Variants in PCDHA1 observed in about 807,000 individuals in gnomAD.
PCDHA1 encodes the protein protocadherin alpha-1.
PCDHA1 carries 42 observed loss-of-function variants against 61.3 expected under a neutral mutation model. That is an observed-to-expected ratio of 0.69 (90% CI 0.54 to 0.89). The LOEUF (loss-of-function observed/expected upper bound fraction) is 0.89, where lower values mean the gene tolerates loss of function less well. Ranked by LOEUF, PCDHA1 falls within the 40% of genes least tolerant of loss-of-function variation. The pLI is 0.00. For missense variants in PCDHA1, 1,256 were observed against 1,235.3 expected (o/e 1.02, Z -0.25); for synonymous variants, 610 against 553.8 (o/e 1.10, Z -1.43).
intron 1 of PCDHA1, chr5:140,870,333 C>T (rs564033882): frequency 1.2e-6 from 2 of 1,614,164 alleles, no homozygotes; most frequent in South Asian, 2.2e-5. Flanking sequence ...TGCTGGACAG[C>T]GCCCTGGACC....
chr5:140,953,601 C>T (rs1448878513), intron 1 of PCDHA1, among the ~76,000 whole-genome samples: 3 of 152,014 alleles, frequency 2.0e-5, no homozygotes, highest in Non-Finnish European at 4.4e-5. Flanking sequence ...TTGTTTATTC[C>T]CCAGAGTCCT....
chr5:140,975,861 T>G (rs782026072), intron 1 of PCDHA1, among the ~76,000 whole-genome samples: 8 of 152,192 alleles, frequency 5.3e-5, no homozygotes, highest in Non-Finnish European at 8.8e-5. Flanking sequence ...ATCACCCATA[T>G]GGACTACCTA....
intron 1 of PCDHA1, among the ~76,000 whole-genome samples, chr5:140,956,166 C>T (rs180917985): frequency 7.2e-5 from 11 of 152,232 alleles, no homozygotes; most frequent in Non-Finnish European, 1.5e-4. Flanking sequence ...TTGCCATAGC[C>T]AGAACTTCCA....
At chr5:140,799,618 G>A (rs1022139561) in intron 1 of PCDHA1, among the ~76,000 whole-genome samples, 1 of 151,836 alleles carries the variant, frequency 6.6e-6, no homozygotes, top group Non-Finnish European at 1.5e-5. Context: ...TATCTTGCTT[G>A]AAAAAGTTAA....
chr5:140,843,191 G>C lies in PCDHA1; in HGVS notation c.2394+54507G>C, dbSNP rs1201499380. 28 of 1,595,928 alleles carry C rather than the reference G, an allele frequency of 1.8e-5. 6 individuals are homozygous for C. Among genetic ancestry groups the C allele is most frequent in the Middle Eastern group, 1.7e-4 (1 of 6,014 alleles). On this transcript the variant is annotated intron_variant, in intron 1 of 3. Transcript: ENST00000504120. ...AAGCAGCCCTCGCATCCCGTTCCGC[G>C]TGGGGCTGTACACGGGCGAGATCAG...
intron 1 of PCDHA1, chr5:140,858,161 G>A (rs1409243603): frequency 1.3e-6 from 2 of 1,597,720 alleles, no homozygotes; most frequent in African/African-American, 2.7e-5. Context: ...CATCTGCGCG[G>A]TGTCCAGCTT....
In PCDHA1 at chr5:140,915,928, T is replaced by C. The variant is rs141949892; in HGVS notation, c.2395-63021T>C. ...CAGGCCCAGAGATGCTACTTGGGAG[T>C]CAGGGATTGGAGTCAAAATACTTAG... On this transcript the variant is annotated intron_variant, in intron 1 of 3. Coordinates refer to ENST00000504120, the MANE Select transcript of PCDHA1 (RefSeq NM_018900.4). Among the ~76,000 whole-genome samples the C allele has an allele frequency of 8.0e-3, 1,213 of 151,944 alleles. 5 individuals carry two copies. The highest frequency in any genetic ancestry group is 0.019 in the African/African-American group (783 of 41,424).
intron 1 of PCDHA1, among the ~76,000 whole-genome samples, chr5:140,938,685 C>CTT (rs1554212299): frequency 6.6e-6 from 1 of 151,964 alleles, no homozygotes; most frequent in African/African-American, 2.4e-5. Context: ...ATTTTCTTTA[C>CTT]AGTTTTTAAA....
rs369106313 is a variant in PCDHA1, at chr5:140,786,591, G to C, written c.301G>C (p.Glu101Gln). ...CGAGGAGCTGTGCCAGTGGAGCGCGGAGTGCAGCATCCACCTGGAGTTGAT... is the reference window on the plus strand; with the variant it reads ...CGAGGAGCTGTGCCAGTGGAGCGCGCAGTGCAGCATCCACCTGGAGTTGAT... ...DREELCQWSA[E>Q]CSIHLELIAD... The change falls in exon 1 of 4, where the codon GAG becomes CAG. Residue 101 changes from glutamate (E) to glutamine (Q), a missense_variant. By Grantham distance (29) the Glu-to-Gln change is conservative. Coordinates refer to ENST00000504120, the MANE Select transcript of PCDHA1 (RefSeq NM_018900.4). 5 of 1,614,262 alleles carry C rather than the reference G, an allele frequency of 3.1e-6. No individual in the cohort carries two copies. Among genetic ancestry groups the C allele is most frequent in the Non-Finnish European group, 4.2e-6 (5 of 1,180,048 alleles).
Position 140,836,106 on chromosome 5 carries a change from G to A in PCDHA1, c.2394+47422G>A. Reference sequence around the variant, plus strand: ...GGCGCCTCGGGTGGGTGGCACTGGTGGCGCAGTGAGAGAGCTTGTGCCGCG... The same window carrying A: ...GGCGCCTCGGGTGGGTGGCACTGGTAGCGCAGTGAGAGAGCTTGTGCCGCG... On this transcript the variant is annotated intron_variant, in intron 1 of 3. Coordinates refer to ENST00000504120, the MANE Select transcript of PCDHA1 (RefSeq NM_018900.4). The A allele has an allele frequency of 6.2e-7, 1 of 1,613,738 alleles. No individual in the cohort carries two copies. The highest frequency in any genetic ancestry group is 8.5e-7 in the Non-Finnish European group (1 of 1,179,782).
In PCDHA1 at chr5:140,920,604, G is replaced by A. The variant is rs182788075; in HGVS notation, c.2395-58345G>A. 4.8e-4 allele frequency among the ~76,000 whole-genome samples: 73 copies of A among 152,238 alleles called. No homozygotes were observed. In the East Asian group the frequency reaches 0.011, roughly 22 times the overall value. On this transcript the variant is annotated intron_variant, in intron 1 of 3. Transcript: ENST00000504120. ...CTCACGCCTGTAATCCCAGCACTTT[G>A]GGAGGCCGAGGCGGATGGATCACAA...
At chr5:140,907,873 CACTCA>C (rs2073658134) in intron 1 of PCDHA1, among the ~76,000 whole-genome samples, 1 of 152,226 alleles carries the variant, frequency 6.6e-6, no homozygotes, top group Non-Finnish European at 1.5e-5. Context: ...CGTTGGTGAG[CACTCA>C]CATGGGATAC....
At chr5:140,900,807 A>G (rs868976984) in intron 1 of PCDHA1, among the ~76,000 whole-genome samples, 1 of 152,176 alleles carries the variant, frequency 6.6e-6, no homozygotes, top group South Asian at 2.1e-4. Flanking sequence ...TAGTGCTTGT[A>G]CTAATTTACA....
chr5:140,867,568 T>C (rs2050045240), intron 1 of PCDHA1: 1 of 152,150 alleles, frequency 6.6e-6, no homozygotes, highest in Non-Finnish European at 1.5e-5. Context: ...AACTTTTTCA[T>C]ATGCCCTTGC....
intron 3 of PCDHA1, among the ~76,000 whole-genome samples, chr5:140,987,487 C>A (rs868928905): frequency 6.6e-6 from 1 of 152,154 alleles, no homozygotes; most frequent in Non-Finnish European, 1.5e-5. Flanking sequence ...GTCAGTGACC[C>A]TTTCTGAATT....
chr5:140,867,553 A>G (rs782238802), intron 1 of PCDHA1: 1 of 152,158 alleles, frequency 6.6e-6, no homozygotes, highest in Non-Finnish European at 1.5e-5. Context: ...GCATACACAT[A>G]TGATAACTTT....
chr5:140,834,201 A>G, intron 1 of PCDHA1: 1 of 610,058 alleles, frequency 1.6e-6, no homozygotes, highest in South Asian at 2.4e-5. Context: ...TCTTTACCGC[A>G]AATTCTTTCG....
chr5:140,829,709 G>T (rs1362946626), intron 1 of PCDHA1: 3 of 1,613,434 alleles, frequency 1.9e-6, no homozygotes, highest in Non-Finnish European at 1.7e-6. Context: ...CGCGCGCGAC[G>T]CGGGCGTGCC....
intron 1 of PCDHA1, chr5:140,828,162 G>A (rs1769562781): frequency 2.5e-6 from 4 of 1,614,172 alleles, no homozygotes; most frequent in Non-Finnish European, 3.4e-6. Context: ...CTCGCAGCCT[G>A]GAAGGTGGGG....
Sources: allele counts gnomAD v4.1 joint callset (sites outside exome capture counted in the v4.1 genomes callset), GRCh38; gene constraint gnomAD v4.1.1; transcripts MANE v1.5; gene names NCBI Gene and HGNC (gene_info 2026-07-23, HGNC 2026-07-21).